FRAS1: variants seen among roughly 807,000 people sequenced by gnomAD.
FRAS1 encodes Fraser extracellular matrix complex subunit 1, also known as extracellular matrix organizing protein FRAS1.
A neutral mutation model predicts 435.2 loss-of-function variants in FRAS1; 290 were observed. The ratio of observed to expected loss-of-function variants is 0.67; its 90% CI spans 0.61 to 0.73. The LOEUF is 0.73. FRAS1 is among the 30% of genes least tolerant of loss of function. The probability of loss-of-function intolerance (pLI) is 0.00; values close to 1 mark genes in which losing one functional copy is unlikely to be tolerated. For missense variants in FRAS1, 4,860 were observed against 5,001.5 expected (o/e 0.97, Z 0.85); for synonymous variants, 1,800 against 1,851.0 (o/e 0.97, Z 0.71).
At chr4:78,435,369 C>T (rs1734379841) in intron 38 of FRAS1, among the ~76,000 whole-genome samples, 1 of 152,168 alleles carries the variant, frequency 6.6e-6, no homozygotes, top group African/African-American at 2.4e-5. Context: ...ATGAAATATA[C>T]AGCATTTAAA....
chr4:78,464,087 G>A lies in FRAS1; in HGVS notation c.6830G>A (p.Ser2277Asn). 6.2e-7 allele frequency: 1 copy of A among 1,613,674 alleles called. No individual in the cohort carries two copies. Among genetic ancestry groups the A allele is most frequent in the Non-Finnish European group, 8.5e-7 (1 of 1,179,812 alleles). Residue 2277 changes from serine to asparagine, a missense_variant, in exon 48 of 74, where the codon AGT becomes AAT. By Grantham distance (46) the Ser-to-Asn change is conservative. Transcript: ENST00000512123. ...CGAAATGTTCAGTATGTCCATTCTA[G>A]TGAGGCTGAGAAACATTCAGATGCC... ...TSRNVQYVHS[S>N]EAEKHSDAFS...
At chr4:78,493,417 A>G (rs761606379) in intron 59 of FRAS1, among the ~76,000 whole-genome samples, 4 of 152,266 alleles carry the variant, frequency 2.6e-5, no homozygotes, top group Middle Eastern at 3.2e-3. Context: ...ATGCCCATCA[A>G]TGATAGACTG....
intron 1 of FRAS1, among the ~76,000 whole-genome samples, chr4:78,063,565 AC>A (rs897197390): frequency 3.9e-5 from 6 of 152,196 alleles, no homozygotes; most frequent in African/African-American, 1.4e-4. Flanking sequence ...GCAGCTCTAC[AC>A]CATTTTGGCT....
chr4:78,429,222 T>C lies in FRAS1; in HGVS notation c.4839T>C (p.Ser1613=). 1 of 1,607,062 alleles carries C rather than the reference T, an allele frequency of 6.2e-7. No individual in the cohort carries two copies. The highest frequency in any genetic ancestry group is 8.5e-7 in the Non-Finnish European group (1 of 1,176,966). The stretch of plus-strand genomic sequence containing the variant: ...CGGTCAGCCCAGGAGGCAGCACTTC[T>C]GTAGGTAAGAACTGGGAGCCTGATA... ...RLAVSPGGST[S]VGLQVVVRDA... is the part of the protein sequence containing the mutation. The change falls in exon 36 of 74, where the codon TCT becomes TCC. Residue 1613 remains serine, a synonymous_variant. Transcript: ENST00000512123.
At chr4:78,190,394 C>T (rs1301935538) in intron 2 of FRAS1, among the ~76,000 whole-genome samples, 1 of 152,128 alleles carries the variant, frequency 6.6e-6, no homozygotes, top group Non-Finnish European at 1.5e-5. Flanking sequence ...CCTGTCTATG[C>T]TCTCTGAACT....
intron 2 of FRAS1, among the ~76,000 whole-genome samples, chr4:78,103,679 C>A (rs1742245588): frequency 1.3e-5 from 2 of 152,244 alleles, no homozygotes; most frequent in African/African-American, 4.8e-5. Context: ...TAAAAGAGAG[C>A]TCAGAGACCC....
At chr4:78,434,157 A>G (rs1290647520) in intron 38 of FRAS1, among the ~76,000 whole-genome samples, 1 of 152,222 alleles carries the variant, frequency 6.6e-6, no homozygotes, top group Admixed American at 6.5e-5. Context: ...CTAGTCACAA[A>G]TGGGGCAGAG....
chr4:78,074,492 C>A (rs1740532731), intron 2 of FRAS1, among the ~76,000 whole-genome samples: 1 of 152,050 alleles, frequency 6.6e-6, no homozygotes, highest in Non-Finnish European at 1.5e-5. Context: ...CTGTGTTAGA[C>A]CCTGTGATTG....
chr4:78,255,877 C>G (rs1725769447), intron 6 of FRAS1, among the ~76,000 whole-genome samples: 1 of 152,164 alleles, frequency 6.6e-6, no homozygotes, highest in African/African-American at 2.4e-5. Flanking sequence ...TCATTTAAAG[C>G]TGATCTGATT....
At chr4:78,429,559 T>C (rs1182099093) in intron 36 of FRAS1, among the ~76,000 whole-genome samples, 1 of 152,188 alleles carries the variant, frequency 6.6e-6, no homozygotes, top group Non-Finnish European at 1.5e-5. Context: ...GGCTCTTGTT[T>C]CTATTTAGAA....
intron 18 of FRAS1, among the ~76,000 whole-genome samples, chr4:78,326,809 A>G (rs1729735994): frequency 6.6e-6 from 1 of 152,162 alleles, no homozygotes; most frequent in African/African-American, 2.4e-5. Flanking sequence ...GAAATTTTCA[A>G]AGACAGAAGA....
intron 2 of FRAS1, among the ~76,000 whole-genome samples, chr4:78,123,792 G>T (rs2109968612): frequency 6.6e-6 from 1 of 152,232 alleles, no homozygotes; most frequent in African/African-American, 2.4e-5. Flanking sequence ...TGTTATTTGT[G>T]TATAGGAATG....
intron 45 of FRAS1, among the ~76,000 whole-genome samples, 158 bp from the exon 46 acceptor site, chr4:78,451,614 A>G (rs756781604): frequency 4.6e-5 from 7 of 152,202 alleles, no homozygotes; most frequent in Non-Finnish European, 8.8e-5. Flanking sequence ...AAAAGGAGGA[A>G]ATGAAAACTT....
chr4:78,281,370 T>C, intron 10 of FRAS1, 28 bp from the exon 11 acceptor site: 1 of 1,514,738 alleles, frequency 6.6e-7, no homozygotes, highest in Non-Finnish European at 9.0e-7. Context: ...TTTAGTGGCA[T>C]AATAAAGACA....
At chr4:78,111,593 G>A (rs1742696902) in intron 2 of FRAS1, among the ~76,000 whole-genome samples, 1 of 97,146 alleles carries the variant, frequency 1.0e-5, no homozygotes, top group East Asian at 3.2e-4. Flanking sequence ...CACACTCTGG[G>A]GACTGTGGTG....
chr4:78,247,170 G>C (rs1447757242), intron 4 of FRAS1, among the ~76,000 whole-genome samples: 1 of 152,092 alleles, frequency 6.6e-6, no homozygotes, highest in Non-Finnish European at 1.5e-5. Flanking sequence ...CTTTTGCAGG[G>C]AGAGTTCAGA....
intron 2 of FRAS1, among the ~76,000 whole-genome samples, chr4:78,081,980 C>T (rs556368899): frequency 6.6e-6 from 1 of 152,182 alleles, no homozygotes; most frequent in Admixed American, 6.5e-5. Context: ...TTTTTTCCCG[C>T]ATCTTACTCA....
At chr4:78,378,070 C>T (rs972270141) in intron 26 of FRAS1, among the ~76,000 whole-genome samples, 1 of 152,106 alleles carries the variant, frequency 6.6e-6, no homozygotes, top group African/African-American at 2.4e-5. Context: ...TTAGCAGTTT[C>T]TCTCCGCTCC....
chr4:78,132,754 G>T (rs1339741199), intron 2 of FRAS1, among the ~76,000 whole-genome samples: 3 of 152,200 alleles, frequency 2.0e-5, no homozygotes, highest in African/African-American at 7.2e-5. Context: ...TTTTTCACAT[G>T]ACCCTGAAAA....
Sources: allele counts gnomAD v4.1 joint callset (sites outside exome capture counted in the v4.1 genomes callset), GRCh38; gene constraint gnomAD v4.1.1; transcripts MANE v1.5; gene names NCBI Gene and HGNC (gene_info 2026-07-23, HGNC 2026-07-21).